The following NBEAL2 variants were observed in gnomAD, a reference collection of about 807,000 sequenced individuals.
The protein encoded by NBEAL2 is neurobeachin like 2.
Under a neutral mutation model 299.8 loss-of-function variants are expected in NBEAL2, and 160 were observed. That is an observed-to-expected ratio of 0.53 (90% CI 0.47 to 0.61). NBEAL2 has a LOEUF of 0.61. Ranked by LOEUF, NBEAL2 falls within the 20% of genes least tolerant of loss-of-function variation. The pLI, the probability that NBEAL2 is intolerant of heterozygous loss-of-function variation, is 0.00. For synonymous variants in NBEAL2, 1,493 were observed against 1,542.3 expected (o/e 0.97, Z 0.75); for missense variants, 3,112 against 3,649.0 (o/e 0.85, Z 3.79).
intron 1 of NBEAL2, among the ~76,000 whole-genome samples, chr3:46,985,291 A>G (rs2035605191): frequency 6.6e-6 from 1 of 152,204 alleles, no homozygotes; most frequent in Non-Finnish European, 1.5e-5. Context: ...TCAAGCCGTG[A>G]TGGTGACAGA....
Position 46,991,771 on chromosome 3 carries a change from G to A in NBEAL2, c.926-69G>A. ...GATGATGGAAGGTCTGGATAGGGCA[G>A]CATAGGAAGGAAGGCTTAAGGCTGC... On this transcript the variant is annotated intron_variant, in intron 8 of 53. Coordinates refer to ENST00000450053, the MANE Select transcript of NBEAL2 (RefSeq NM_015175.3). This position sits in a 1 kb window ranked among gnomAD's most constrained non-coding sequence, Gnocchi z 6.2. 2 of 1,562,282 alleles carry A rather than the reference G, an allele frequency of 1.3e-6. No individual in the cohort carries two copies. The highest frequency in any genetic ancestry group is 1.7e-6 in the Non-Finnish European group (2 of 1,152,988).
chr3:46,986,129 C>T (rs1383772046), intron 1 of NBEAL2, among the ~76,000 whole-genome samples: 3 of 152,166 alleles, frequency 2.0e-5, no homozygotes, highest in African/African-American at 7.2e-5. Flanking sequence ...GCTTTGGAGA[C>T]CTCGTCATCC....
In NBEAL2 at chr3:47,005,352, G is replaced by C. The variant is rs2305638; in HGVS notation, c.6560+31G>C. On this transcript the variant is annotated intron_variant, in intron 40 of 53. Transcript: ENST00000450053. ...GCCCAGGGGCTGGTGGGCAGACTAG[G>C]GGGCAGATAAGGGGAGGAGGCTGGT... The C allele has an allele frequency of 0.57, 912,621 of 1,597,436 alleles. 261,868 individuals are homozygous for C. Among genetic ancestry groups the C allele is most frequent in the Non-Finnish European group, 0.58 (682,031 of 1,172,530 alleles).
Position 47,009,442 on chromosome 3 carries a change from G to T in NBEAL2, c.*122G>T. 1 of 876,790 alleles carries T rather than the reference G, an allele frequency of 1.1e-6. No individual in the cohort carries two copies. The highest frequency in any genetic ancestry group is 1.6e-5 in the South Asian group (1 of 64,226). 54.3% of individuals were successfully genotyped at this position (876,790 alleles called of 1,614,324 possible). On this transcript the variant is annotated 3_prime_UTR_variant, in exon 54 of 54. Coordinates refer to ENST00000450053, the MANE Select transcript of NBEAL2 (RefSeq NM_015175.3). The stretch of plus-strand genomic sequence containing the variant: ...CAGGGGGGTGAGCGGGGCCCACCCT[G>T]CCCAGCTCAGGGATTGGCGGGCGAT...
intron 22 of NBEAL2, 24 bp from the exon 23 acceptor site, chr3:46,998,693 T>G: frequency 6.4e-7 from 1 of 1,562,742 alleles, no homozygotes; most frequent in Non-Finnish European, 8.7e-7. Flanking sequence ...GGGACCTGGC[T>G]GGGTGTGCCT....
chr3:46,996,505 C>G lies in NBEAL2; in HGVS notation c.2386C>G (p.Pro796Ala). Residue 796 changes from proline to alanine, a missense_variant, in exon 16 of 54, where the codon CCC (proline) becomes GCC (alanine). By Grantham distance (27) the Pro-to-Ala change is conservative. This residue lies in a region of NBEAL2 where 2,243 missense variants were observed against 2,538.1 expected (regional missense o/e 0.88). Coordinates refer to ENST00000450053, the MANE Select transcript of NBEAL2 (RefSeq NM_015175.3). ...AGTQDTRWGS[P>A]TSLEGELGAV... is the part of the protein sequence containing the mutation. ...CACCCAGGACACTCGGTGGGGCAGC[C>G]CCACATCCCTGGAGGGTGAGCTGGG... is the stretch of plus-strand genomic sequence containing the variant. 6.3e-7 allele frequency: 1 copy of G among 1,578,912 alleles called. No homozygotes were observed. The highest frequency in any genetic ancestry group is 8.6e-7 in the Non-Finnish European group (1 of 1,159,534).
At position 46,998,720 on chromosome 3, in the gene NBEAL2, G is replaced by A. The variant is rs1403512388; in HGVS notation, c.3225G>A (p.Pro1075=). The change falls in exon 23 of 54, where the codon CCG becomes CCA. Residue 1075 remains proline (P), a synonymous_variant. Transcript: ENST00000450053. ...GGTGTGCCTACTGACCTGCCAGCCC[G>A]CAGCGGGAGCGCCCCCTGGCTGCTG... ...ILDALRTHYS[P]QRERPLAADD... is the part of the protein sequence containing the mutation. The A allele has an allele frequency of 3.2e-6, 5 of 1,573,648 alleles. No individual in the cohort carries two copies. The highest frequency in any genetic ancestry group is 2.3e-5 in the East Asian group (1 of 42,944).
chr3:46,998,502 G>T lies in NBEAL2; in HGVS notation c.3158G>T (p.Arg1053Ile), dbSNP rs149412572. The change falls in exon 22 of 54, where the codon AGA becomes ATA. Residue 1053 changes from arginine (R) to isoleucine (I), a missense_variant. Around this residue, in one of 3 missense-constraint regions of NBEAL2, gnomAD observed 2,243 missense variants for 2,538.1 expected, o/e 0.88. Coordinates refer to ENST00000450053, the MANE Select transcript of NBEAL2 (RefSeq NM_015175.3). ...QYMSSIVREH[R>I]QKLRKKYGVQ... ...ATGTCCAGCATAGTTCGGGAGCACA[G>T]ACAGAAGCTGCGGAAGAAGTACGGC... The T allele has an allele frequency of 5.6e-5, 90 of 1,613,486 alleles. No homozygotes were observed. The African/African-American group carries it at 1.0e-3, about 18-fold the overall frequency.
Position 46,989,047 on chromosome 3 carries a change from TG to T in NBEAL2, c.270-37del. The T allele has an allele frequency of 6.2e-7, 1 of 1,611,386 alleles. No individual in the cohort carries two copies. Among genetic ancestry groups the T allele is most frequent in the Non-Finnish European group, 8.5e-7 (1 of 1,178,702 alleles). On this transcript the variant is annotated intron_variant, in intron 3 of 53. Transcript: ENST00000450053. This position sits in a 1 kb window ranked among gnomAD's most constrained non-coding sequence, Gnocchi z 5.5. ...GGAGAGGGGACAAGGAGGGGCATGG[TG>T]TATTATTGTGACCTCTCTCATCATT...
Position 47,002,376 on chromosome 3 carries a change from G to T in NBEAL2, c.5157G>T (p.Gln1719His). 6.2e-7 allele frequency: 1 copy of T among 1,613,632 alleles called. No homozygotes were observed. The highest frequency in any genetic ancestry group is 1.1e-5 in the South Asian group (1 of 91,084). ...TCCTCTGCCCAATCCTCCAGGTACAGCCAACCATGTCCCAGTTCGAAATGG... is the reference window on the plus strand; with the variant it reads ...TCCTCTGCCCAATCCTCCAGGTACATCCAACCATGTCCCAGTTCGAAATGG... ...EWRHFIDKQVQPTMSQFEMDT... is the reference protein window; with the variant it reads ...EWRHFIDKQVHPTMSQFEMDT... Residue 1719 changes from glutamine (Q) to histidine (H), a missense_variant, in exon 32 of 54, where the codon CAG (glutamine) becomes CAT (histidine). Physicochemically the swap from Gln to His is conservative, Grantham distance 24. Transcript: ENST00000450053.
At position 47,000,053 on chromosome 3, in the gene NBEAL2, C is replaced by T. The variant is rs749092326; in HGVS notation, c.3954C>T (p.Pro1318=). ...CTACCTCCCCCAAGCCAGCCCCACC[C>T]AAGCCACCCACTGAGTCACCTGCTG... ...ESPTSPKPAP[P]KPPTESPAEP... The change falls in exon 27 of 54, where the codon CCC becomes CCT. Residue 1318 remains proline, a synonymous_variant. Transcript: ENST00000450053. This position sits in a 1 kb window ranked among gnomAD's most constrained non-coding sequence, Gnocchi z 4.5. The T allele has an allele frequency of 6.2e-7, 1 of 1,613,522 alleles. No individual in the cohort carries two copies. The highest frequency in any genetic ancestry group is 8.5e-7 in the Non-Finnish European group (1 of 1,179,842).
At position 47,000,963 on chromosome 3, in the gene NBEAL2, C is replaced by A. The variant is rs770772786; in HGVS notation, c.4306-38C>A. On this transcript the variant is annotated intron_variant, in intron 27 of 53. Transcript: ENST00000450053. The surrounding 1 kb of genome is among the most constrained non-coding windows in gnomAD (Gnocchi z 4.5). Reference sequence around the variant, plus strand: ...CAGCCTGATTCCCTCCCTTAGCCGCCCACAACCCACGCCCACACCACCCAC... The same window carrying A: ...CAGCCTGATTCCCTCCCTTAGCCGCACACAACCCACGCCCACACCACCCAC... 1 of 1,560,774 alleles carries A rather than the reference C, an allele frequency of 6.4e-7. No homozygotes were observed. The highest frequency in any genetic ancestry group is 8.7e-7 in the Non-Finnish European group (1 of 1,152,480).
In NBEAL2 at chr3:46,995,781, G is replaced by A; in HGVS notation, c.1966G>A (p.Val656Met). 1.9e-6 allele frequency: 3 copies of A among 1,613,834 alleles called. No individual in the cohort carries two copies. Among genetic ancestry groups the A allele is most frequent in the Non-Finnish European group, 2.5e-6 (3 of 1,179,888 alleles). Residue 656 changes from valine (V) to methionine (M), a missense_variant, in exon 14 of 54, where the codon GTG becomes ATG. By Grantham distance (21) the Val-to-Met change is conservative (BLOSUM62 1). Around this residue, in one of 3 missense-constraint regions of NBEAL2, gnomAD observed 2,243 missense variants for 2,538.1 expected, o/e 0.88. Coordinates refer to ENST00000450053, the MANE Select transcript of NBEAL2 (RefSeq NM_015175.3). ...GGCGGCCGGGACCCTGGTGGTGGCTGTGTGCACACGGAAGGAGTATTTGAC... is the reference window on the plus strand; with the variant it reads ...GGCGGCCGGGACCCTGGTGGTGGCTATGTGCACACGGAAGGAGTATTTGAC... ...FTAAGTLVVA[V>M]CTRKEYLTMS... is the part of the protein sequence containing the mutation.
intron 20 of NBEAL2, 110 bp from the exon 21 acceptor site, chr3:46,997,957 T>C: frequency 2.2e-6 from 3 of 1,352,536 alleles, no homozygotes; most frequent in Non-Finnish European, 3.0e-6. Context: ...AGCAGGCTGG[T>C]GGCCATGTTT....
Position 46,979,917 on chromosome 3 carries a change from G to A in NBEAL2, c.51+5G>A. 2.5e-6 allele frequency: 1 copy of A among 392,452 alleles called. No individual in the cohort carries two copies. Among genetic ancestry groups the A allele is most frequent in the Admixed American group, 4.2e-5 (1 of 23,700 alleles). The allele number at this position is 392,452 out of a possible 1,614,324, so 24.3% of individuals were successfully genotyped here. On this transcript the variant is annotated splice_donor_5th_base_variant and intron_variant, in intron 1 of 53. Transcript: ENST00000450053. ...TGGCTGCTCTACTACGCGCAGGTGA[G>A]CCCGCCCCGCCCCGCGCCCGCACCC...
In NBEAL2 at chr3:47,000,705, G is replaced by A. The variant is rs1321603312; in HGVS notation, c.4306-296G>A. ...GGTCCAAGGGCAGCAAACTCCAAAGGCCCTGCCCTGGGCTTCTGGGTTTGG... is the reference window on the plus strand; with the variant it reads ...GGTCCAAGGGCAGCAAACTCCAAAGACCCTGCCCTGGGCTTCTGGGTTTGG... On this transcript the variant is annotated intron_variant, in intron 27 of 53. Coordinates refer to ENST00000450053, the MANE Select transcript of NBEAL2 (RefSeq NM_015175.3). The surrounding 1 kb of genome is among the most constrained non-coding windows in gnomAD (Gnocchi z 4.5). Among the ~76,000 whole-genome samples the A allele has an allele frequency of 2.6e-5, 4 of 152,118 alleles. No homozygotes were observed. The highest frequency in any genetic ancestry group is 2.9e-5 in the Non-Finnish European group (2 of 68,010).
intron 12 of NBEAL2, 103 bp downstream of exon 12, chr3:46,994,656 G>A (rs2036347575): frequency 1.2e-5 from 12 of 989,274 alleles, no homozygotes; most frequent in Admixed American, 2.1e-5. Context: ...TATTGACTGC[G>A]GCCAGTACAT....
chr3:47,001,396 G>A lies in NBEAL2; in HGVS notation c.4602G>A (p.Leu1534=), dbSNP rs1287184501. ...TGCTGCGTCTGCTGCAGGACTTCCT[G>A]TGTGCTGAAGGCCATGGTAACCAGG... ...LWLLRLLQDF[L]CAEGHGNQEL... The change falls in exon 29 of 54, where the codon CTG becomes CTA. Residue 1534 remains leucine, a synonymous_variant. Coordinates refer to ENST00000450053, the MANE Select transcript of NBEAL2 (RefSeq NM_015175.3). This position sits in a 1 kb window ranked among gnomAD's most constrained non-coding sequence, Gnocchi z 6.1. 2 of 1,613,174 alleles carry A rather than the reference G, an allele frequency of 1.2e-6. No homozygotes were observed. The highest frequency in any genetic ancestry group is 1.7e-5 in the Admixed American group (1 of 60,022).
Position 47,001,058 on chromosome 3 carries a change from T to TGG in NBEAL2, c.4364_4365dup (p.Arg1456GlyfsTer45). ...CACCAACGTGCTGTTCTCGGTGACGTGGCGTGGCGTGGAAGGCAGCGATGA... is the reference window on the plus strand; with the variant it reads ...CACCAACGTGCTGTTCTCGGTGACGTGGGGCGTGGCGTGGAAGGCAGCGATGA... On this transcript the variant is annotated frameshift_variant, in exon 28 of 54. Transcript: ENST00000450053. LOFTEE classifies it high-confidence loss of function. The surrounding 1 kb of genome is among the most constrained non-coding windows in gnomAD (Gnocchi z 6.1). The TGG allele has an allele frequency of 6.2e-7, 1 of 1,612,172 alleles. No individual in the cohort carries two copies. The highest frequency in any genetic ancestry group is 8.5e-7 in the Non-Finnish European group (1 of 1,179,296).
Sources: allele counts gnomAD v4.1 joint callset (sites outside exome capture counted in the v4.1 genomes callset), GRCh38; gene constraint gnomAD v4.1.1; regional missense constraint gnomAD v4.1.1; non-coding constraint Gnocchi (gnomAD v3.1); transcripts MANE v1.5; gene names NCBI Gene and HGNC (gene_info 2026-07-23, HGNC 2026-07-21).